The following FGF12 variants were observed in gnomAD, a reference collection of about 807,000 sequenced individuals.
FGF12 encodes fibroblast growth factor 12B.
A neutral mutation model predicts 23.6 loss-of-function variants in FGF12; 14 were observed. The observed-to-expected ratio is 0.59, with a 90% CI of 0.39 to 0.93. FGF12 has a LOEUF of 0.93. FGF12 is among the 40% of genes least tolerant of loss of function. The pLI is 0.00. For missense variants in FGF12, 175 were observed against 217.8 expected (o/e 0.80, Z 1.24); for synonymous variants, 62 against 77.3 (o/e 0.80, Z 1.04).
rs1205772085 is a variant in FGF12, at chr3:192,707,486, G to A, written c.13+19695C>T. On this transcript the variant is annotated intron_variant, in intron 2 of 5. Coordinates refer to ENST00000445105, the MANE Select transcript of FGF12 (RefSeq NM_004113.6). Reference sequence around the variant, plus strand: ...ACAATAGCTGGGTGCGGTGGCTCACGCCTGTAATCCCAGCACTTTGGGAGG... The same window carrying A: ...ACAATAGCTGGGTGCGGTGGCTCACACCTGTAATCCCAGCACTTTGGGAGG... Among the ~76,000 whole-genome samples the A allele has an allele frequency of 5.3e-5, 8 of 152,192 alleles. No individual in the cohort carries two copies. In the South Asian group the frequency reaches 1.0e-3, roughly 20 times the overall value.
At chr3:192,393,618 T>C (rs1311208209) in intron 2 of FGF12, among the ~76,000 whole-genome samples, 2 of 151,414 alleles carry the variant, frequency 1.3e-5, no homozygotes, top group Non-Finnish European at 2.9e-5. Context: ...ATAAAGAAAA[T>C]GGGAAAAAAA....
chr3:192,342,024 C>T (rs1279276346), intron 3 of FGF12, among the ~76,000 whole-genome samples: 1 of 152,124 alleles, frequency 6.6e-6, no homozygotes, highest in African/African-American at 2.4e-5. Context: ...AAAAGAGTGA[C>T]GAACATAACA....
chr3:192,400,163 T>C (rs1720697616), intron 2 of FGF12, among the ~76,000 whole-genome samples: 1 of 151,864 alleles, frequency 6.6e-6, no homozygotes, highest in Non-Finnish European at 1.5e-5. Flanking sequence ...GGGAGGCCTA[T>C]AAATACTACA....
intron 5 of FGF12, among the ~76,000 whole-genome samples, chr3:192,170,008 T>C (rs1031173280): frequency 2.0e-5 from 3 of 147,254 alleles, no homozygotes; most frequent in African/African-American, 7.6e-5. Context: ...AAGGAAATTA[T>C]TAGGTTTAGA....
chr3:192,494,768 G>A (rs138726822), intron 2 of FGF12, among the ~76,000 whole-genome samples: 7 of 152,184 alleles, frequency 4.6e-5, no homozygotes, highest in African/African-American at 1.7e-4. Context: ...TTGTAGTACA[G>A]AGAAACACTA....
intron 2 of FGF12, among the ~76,000 whole-genome samples, chr3:192,659,078 A>G (rs1261820479): frequency 1.3e-5 from 2 of 152,180 alleles, no homozygotes; most frequent in Non-Finnish European, 2.9e-5. Flanking sequence ...TGATGGTTTC[A>G]GCTGCTGATG....
chr3:192,600,446 G>C (rs1426697485), intron 2 of FGF12, among the ~76,000 whole-genome samples: 1 of 151,992 alleles, frequency 6.6e-6, no homozygotes, highest in East Asian at 1.9e-4. Flanking sequence ...TATTTTGATA[G>C]AGATTTCACT....
chr3:192,520,066 C>T (rs1157547981), intron 2 of FGF12, among the ~76,000 whole-genome samples: 1 of 152,214 alleles, frequency 6.6e-6, no homozygotes, highest in African/African-American at 2.4e-5. Flanking sequence ...TAGCAACCAA[C>T]ATCTGAGCGC....
chr3:192,727,121 G>A (rs926327502), intron 2 of FGF12, 60 bp downstream of exon 2: 70 of 1,556,064 alleles, frequency 4.5e-5, no homozygotes, highest in Admixed American at 3.3e-4. Flanking sequence ...CCCTCGCCGA[G>A]GATTGCCTTG....
chr3:192,409,188 C>A lies in FGF12; in HGVS notation c.14-48650G>T. 1 of 157,900 alleles carries A rather than the reference C, an allele frequency of 6.3e-6. No individual in the cohort carries two copies. Among genetic ancestry groups the A allele is most frequent in the Non-Finnish European group, 1.4e-5 (1 of 73,160 alleles). 9.8% of individuals were successfully genotyped at this position (157,900 alleles called of 1,614,324 possible). On this transcript the variant is annotated intron_variant, in intron 2 of 5. Coordinates refer to ENST00000445105, the MANE Select transcript of FGF12 (RefSeq NM_004113.6). The surrounding 1 kb of genome is among the most constrained non-coding windows in gnomAD (Gnocchi z 4.8). The stretch of plus-strand genomic sequence containing the variant: ...AGAGTGGGCGCTCTTTCTCTTTCCG[C>A]TTGCTTTCCGGCACGAGACGGGCAC...
At chr3:192,623,416 A>C (rs183244291) in intron 2 of FGF12, among the ~76,000 whole-genome samples, 41 of 83,024 alleles carry the variant, frequency 4.9e-4, no homozygotes, top group Non-Finnish European at 7.1e-4. Flanking sequence ...GTAAACTGCT[A>C]CTAATACAGA....
chr3:192,334,953 C>T (rs1040448665), intron 4 of FGF12, among the ~76,000 whole-genome samples: 1 of 152,038 alleles, frequency 6.6e-6, no homozygotes, highest in African/African-American at 2.4e-5. Flanking sequence ...AAATTATGAA[C>T]GTTTTTTTCT....
chr3:192,464,287 C>A (rs534375118), intron 2 of FGF12, among the ~76,000 whole-genome samples: 3 of 152,050 alleles, frequency 2.0e-5, no homozygotes, highest in Non-Finnish European at 4.4e-5. Context: ...CCCTCACCCC[C>A]CTCCCACCCT....
At chr3:192,258,131 G>A (rs1176041127) in intron 4 of FGF12, among the ~76,000 whole-genome samples, 2 of 151,946 alleles carry the variant, frequency 1.3e-5, no homozygotes, top group African/African-American at 4.8e-5. Flanking sequence ...AATTTTGCAT[G>A]AGGAAAAATA....
Position 192,651,786 on chromosome 3 carries a change from C to T in FGF12, c.13+75395G>A, listed in dbSNP as rs114153159. ...ATGCCTTGTTTAATCTTTGAAACAC[C>T]GCTGAGAGTTAGGACCCTTTGATTT... On this transcript the variant is annotated intron_variant, in intron 2 of 5. Transcript: ENST00000445105. 1.6e-3 allele frequency among the ~76,000 whole-genome samples: 236 copies of T among 152,206 alleles called. 2 individuals carry two copies. Among genetic ancestry groups the T allele is most frequent in the African/African-American group, 5.4e-3 (226 of 41,516 alleles).
chr3:192,703,372 A>C (rs1718365712), intron 2 of FGF12, among the ~76,000 whole-genome samples: 2 of 152,238 alleles, frequency 1.3e-5, no homozygotes, highest in Admixed American at 1.3e-4. Flanking sequence ...TTGCTAAAAA[A>C]TTGCTAACAA....
At chr3:192,535,713 T>C (rs185475273) in intron 2 of FGF12, among the ~76,000 whole-genome samples, 187 of 152,322 alleles carry the variant, frequency 1.2e-3, no homozygotes, top group African/African-American at 4.3e-3. Context: ...TACAACTTGC[T>C]GGTGGTTGGG....
intron 2 of FGF12, among the ~76,000 whole-genome samples, chr3:192,544,460 G>A (rs755709989): frequency 5.3e-5 from 8 of 152,092 alleles, no homozygotes; most frequent in Non-Finnish European, 1.0e-4. Flanking sequence ...GCCATCTTGC[G>A]CTGCCTTCCT....
chr3:192,339,412 T>C (rs1717583989), intron 3 of FGF12, among the ~76,000 whole-genome samples: 1 of 152,166 alleles, frequency 6.6e-6, no homozygotes, highest in Non-Finnish European at 1.5e-5. Flanking sequence ...GCCATTTTCC[T>C]GCTTACAACC....
Sources: gnomAD v4.1 joint callset for allele counts (sites outside exome capture counted in the v4.1 genomes callset) on GRCh38, gnomAD v4.1.1 for gene constraint, Gnocchi (gnomAD v3.1) non-coding constraint, MANE v1.5 for transcripts, NCBI Gene and HGNC (gene_info 2026-07-23, HGNC 2026-07-21) for gene names.